ACTL8: variants seen among roughly 807,000 people sequenced by gnomAD.
ACTL8 encodes the protein actin-like protein 8.
Under a neutral mutation model 9.3 loss-of-function variants are expected in ACTL8, and 3 were observed. The ratio of observed to expected loss-of-function variants is 0.32; its 90% CI spans 0.15 to 0.83. The LOEUF (loss-of-function observed/expected upper bound fraction) is 0.83. Ranked by LOEUF, ACTL8 falls within the 40% of genes least tolerant of loss-of-function variation. The pLI, the probability that ACTL8 is intolerant of heterozygous loss-of-function variation, is 0.57. For synonymous variants in ACTL8, 224 were observed against 205.9 expected, an observed-to-expected ratio of 1.09 and a Z score of -0.75; for missense variants, 381 against 492.2, an observed-to-expected ratio of 0.77 and a Z score of 2.14.
At chr1:17,788,882 G>A (rs1295918879) in intron 1 of ACTL8, among the ~76,000 whole-genome samples, 1 of 152,222 alleles carries the variant, frequency 6.6e-6, no homozygotes, top group African/African-American at 2.4e-5. Context: ...GAGGGGCAGG[G>A]CCCCTGTGTG....
At chr1:17,757,135 A>T (rs1168564134) in intron 1 of ACTL8, among the ~76,000 whole-genome samples, 7 of 152,146 alleles carry the variant, frequency 4.6e-5, no homozygotes, top group African/African-American at 1.7e-4. Flanking sequence ...GCTCTAAAAA[A>T]TAATAATATA....
intron 1 of ACTL8, among the ~76,000 whole-genome samples, chr1:17,798,408 G>C (rs773949924): frequency 6.6e-6 from 1 of 152,146 alleles, no homozygotes; most frequent in East Asian, 1.9e-4. Context: ...ACCCAGACGG[G>C]AGTAAGAGTA....
At chr1:17,763,307 C>T (rs2066020772) in intron 1 of ACTL8, among the ~76,000 whole-genome samples, 1 of 152,092 alleles carries the variant, frequency 6.6e-6, no homozygotes, top group South Asian at 2.1e-4. Flanking sequence ...CGAGCTGGCC[C>T]AACGCTCCTC....
At position 17,825,913 on chromosome 1, in the gene ACTL8, C is replaced by T; in HGVS notation, c.495C>T (p.Pro165=). Residue 165 remains proline (P), a synonymous_variant, in exon 3 of 3, where the codon CCC becomes CCT. Transcript: ENST00000375406. The part of the protein sequence containing the change: ...TRVQPFHQGR[P]LPASGKTLEF... Reference sequence around the variant, plus strand: ...TGCAGCCTTTCCACCAGGGCCGCCCCTTGCCCGCCAGCGGCAAGACGCTGG... The same window carrying T: ...TGCAGCCTTTCCACCAGGGCCGCCCTTTGCCCGCCAGCGGCAAGACGCTGG... 2 of 1,612,992 alleles carry T rather than the reference C, an allele frequency of 1.2e-6. No homozygotes were observed. Among genetic ancestry groups the T allele is most frequent in the Non-Finnish European group, 1.7e-6 (2 of 1,180,030 alleles).
chr1:17,765,461 C>G (rs1231333142), intron 1 of ACTL8, among the ~76,000 whole-genome samples: 1 of 152,122 alleles, frequency 6.6e-6, no homozygotes. Context: ...TCGCAATAAC[C>G]ATATGGAGTT....
intron 1 of ACTL8, among the ~76,000 whole-genome samples, chr1:17,801,379 CT>C (rs1324699228): frequency 6.6e-6 from 1 of 152,202 alleles, no homozygotes; most frequent in Non-Finnish European, 1.5e-5. Flanking sequence ...TGTTAAACAT[CT>C]ATCCTCTTAT....
intron 1 of ACTL8, among the ~76,000 whole-genome samples, chr1:17,803,717 T>C (rs1570031831): frequency 6.6e-6 from 1 of 152,312 alleles, no homozygotes; most frequent in East Asian, 1.9e-4. Flanking sequence ...TATGCTGCAT[T>C]GGTCATTTCT....
At chr1:17,796,910 T>G (rs532022955) in intron 1 of ACTL8, among the ~76,000 whole-genome samples, 10 of 152,320 alleles carry the variant, frequency 6.6e-5, no homozygotes, top group African/African-American at 2.4e-4. Context: ...CCGTGGCAAG[T>G]GGGCCAGCCC....
intron 1 of ACTL8, among the ~76,000 whole-genome samples, chr1:17,775,645 G>A (rs114289398): frequency 6.6e-6 from 1 of 152,154 alleles, no homozygotes; most frequent in Non-Finnish European, 1.5e-5. Context: ...TAACAGCCAC[G>A]TCAGTCCTCA....
chr1:17,795,516 T>C (rs2066270603), intron 1 of ACTL8, among the ~76,000 whole-genome samples: 1 of 152,234 alleles, frequency 6.6e-6, no homozygotes, highest in South Asian at 2.1e-4. Flanking sequence ...CTTCCCTCTG[T>C]TACTTGGGTC....
intron 1 of ACTL8, among the ~76,000 whole-genome samples, chr1:17,781,028 G>GTAT (rs2066151201): frequency 2.6e-5 from 4 of 152,216 alleles, no homozygotes; most frequent in Non-Finnish European, 5.9e-5. Flanking sequence ...AGATCGGTCA[G>GTAT]CAGACTGAGA....
At chr1:17,773,493 A>T (rs1434916546) in intron 1 of ACTL8, among the ~76,000 whole-genome samples, 2 of 152,262 alleles carry the variant, frequency 1.3e-5, no homozygotes, top group Admixed American at 6.5e-5. Context: ...ATACAGTGGT[A>T]GGTGCCGGCT....
intron 1 of ACTL8, among the ~76,000 whole-genome samples, chr1:17,809,158 A>G (rs2066377655): frequency 6.6e-6 from 1 of 152,248 alleles, no homozygotes; most frequent in East Asian, 1.9e-4. Flanking sequence ...ATGGGGAAGT[A>G]AAATACAAAT....
At chr1:17,781,334 A>G (rs1425542862) in intron 1 of ACTL8, among the ~76,000 whole-genome samples, 1 of 151,116 alleles carries the variant, frequency 6.6e-6, no homozygotes, top group Admixed American at 6.6e-5. Context: ...TCTGCCTTCC[A>G]GGTTCAAGCG....
chr1:17,817,461 C>A (rs1331918164), intron 1 of ACTL8, among the ~76,000 whole-genome samples: 1 of 152,000 alleles, frequency 6.6e-6, no homozygotes, highest in East Asian at 1.9e-4. Flanking sequence ...CCTTTGTTTT[C>A]CTCCTAATTT....
chr1:17,765,188 T>G (rs1384373627), intron 1 of ACTL8, among the ~76,000 whole-genome samples: 1 of 152,142 alleles, frequency 6.6e-6, no homozygotes. Context: ...GGGCTGGCCT[T>G]CCTCCTCTGG....
At chr1:17,824,894 G>C (rs967831545) in intron 2 of ACTL8, among the ~76,000 whole-genome samples, 1 of 152,010 alleles carries the variant, frequency 6.6e-6, no homozygotes, top group South Asian at 2.1e-4. Flanking sequence ...AATGGCTGGT[G>C]GGGGGACAAT....
intron 1 of ACTL8, among the ~76,000 whole-genome samples, chr1:17,765,532 G>T (rs571392225): frequency 6.6e-6 from 1 of 152,164 alleles, no homozygotes; most frequent in African/African-American, 2.4e-5. Context: ...GTGAGGTAAC[G>T]TGCCCAAGCC....
chr1:17,761,892 G>C (rs913294496), intron 1 of ACTL8, among the ~76,000 whole-genome samples: 5 of 151,954 alleles, frequency 3.3e-5, no homozygotes, highest in African/African-American at 1.2e-4. Context: ...ACATGACTTA[G>C]CTCTAATGCC....
Sources: allele counts gnomAD v4.1 joint callset (sites outside exome capture counted in the v4.1 genomes callset), GRCh38; gene constraint gnomAD v4.1.1; transcripts MANE v1.5; gene names NCBI Gene and HGNC (gene_info 2026-07-23, HGNC 2026-07-21).